PDE10A: variants seen among roughly 807,000 people sequenced by gnomAD.
The protein encoded by PDE10A is cAMP and cAMP-inhibited cGMP 3',5'-cyclic phosphodiesterase 10A.
In PDE10A, 39 loss-of-function variants were observed where a neutral mutation model predicts 97.7. The ratio of observed to expected loss-of-function variants is 0.40; its 90% CI spans 0.31 to 0.52. The LOEUF (loss-of-function observed/expected upper bound fraction) is 0.52. PDE10A is among the 20% of genes least tolerant of loss of function. The pLI, the probability that PDE10A is intolerant of heterozygous loss-of-function variation, is 0.56. For synonymous variants in PDE10A, 371 were observed against 376.8 expected, an observed-to-expected ratio of 0.98 and a Z score of 0.18; for missense variants, 731 against 1,047.8, an observed-to-expected ratio of 0.70 and a Z score of 4.17.
At chr6:165,703,861 G>A (rs1791640360) in intron 1 of PDE10A, among the ~76,000 whole-genome samples, 1 of 152,164 alleles carries the variant, frequency 6.6e-6, no homozygotes, top group African/African-American at 2.4e-5. Flanking sequence ...AATCCTTTGC[G>A]AGTCTCCACT....
chr6:165,673,346 C>T (rs1303178059), intron 1 of PDE10A, among the ~76,000 whole-genome samples: 1 of 152,212 alleles, frequency 6.6e-6, no homozygotes, highest in Non-Finnish European at 1.5e-5. Flanking sequence ...TAGCCCCACT[C>T]TGACGTACAC....
At chr6:165,747,903 T>C (rs56871332) in intron 1 of PDE10A, among the ~76,000 whole-genome samples, 23,351 of 152,146 alleles carry the variant, frequency 0.15, 2,864 homozygotes, top group African/African-American at 0.33. Context: ...ACAGAGCTCA[T>C]GGGGCTCAGC....
At chr6:165,549,912 T>C (rs907868762) in intron 1 of PDE10A, among the ~76,000 whole-genome samples, 10 of 152,244 alleles carry the variant, frequency 6.6e-5, no homozygotes, top group Non-Finnish European at 1.2e-4. Flanking sequence ...GGATCTATTG[T>C]AAGAATTAGG....
chr6:165,744,238 C>A (rs1335593860), intron 1 of PDE10A, among the ~76,000 whole-genome samples: 2 of 152,076 alleles, frequency 1.3e-5, no homozygotes. Context: ...TTTTATGGAG[C>A]CAACAGCATA....
chr6:165,350,514 CT>C (rs1464764470), intron 18 of PDE10A, among the ~76,000 whole-genome samples: 1 of 152,052 alleles, frequency 6.6e-6, no homozygotes, highest in East Asian at 1.9e-4. Flanking sequence ...TGGACTTGAA[CT>C]TTTGAGTTAA....
At chr6:165,529,084 G>A (rs942774256) in intron 2 of PDE10A, among the ~76,000 whole-genome samples, 13 of 152,150 alleles carry the variant, frequency 8.5e-5, no homozygotes, top group South Asian at 4.1e-4. Flanking sequence ...TCCAGAGGAA[G>A]AAACACTGCC....
intron 1 of PDE10A, among the ~76,000 whole-genome samples, chr6:165,882,783 C>T (rs1438852698): frequency 6.7e-6 from 1 of 149,762 alleles, no homozygotes; most frequent in African/African-American, 2.5e-5. Flanking sequence ...AAAAGCCTCC[C>T]TCCTGGCAAA....
chr6:165,376,236 C>T (rs1279426260), intron 18 of PDE10A, among the ~76,000 whole-genome samples: 2 of 152,126 alleles, frequency 1.3e-5, no homozygotes, highest in African/African-American at 4.8e-5. Flanking sequence ...AGGAGGTAGT[C>T]AAAGCTTCAA....
chr6:165,664,681 CAG>C (rs1443930584), upstream of PDE10A, among the ~76,000 whole-genome samples: 3 of 152,330 alleles, frequency 2.0e-5, no homozygotes, highest in East Asian at 1.9e-4. Flanking sequence ...TCCAGCCGTG[CAG>C]AGTCCACTCC....
rs1400433309 is a variant in PDE10A, at chr6:165,418,275, G to T, written c.1796+360C>A. On this transcript the variant is annotated intron_variant, in intron 11 of 21. Coordinates refer to ENST00000539869, the MANE Select transcript of PDE10A (RefSeq NM_001385079.1). This position sits in a 1 kb window ranked among gnomAD's most constrained non-coding sequence, Gnocchi z 4.8. The stretch of plus-strand genomic sequence containing the variant: ...GGCCACCGGTTGGGAAGAAGTAGGG[G>T]CCGAATTGCATAAGCACACCTTTTC... Among the ~76,000 whole-genome samples the T allele has an allele frequency of 6.6e-6, 1 of 152,184 alleles. No homozygotes were observed. The highest frequency in any genetic ancestry group is 1.5e-5 in the Non-Finnish European group (1 of 68,030).
chr6:165,650,656 A>C (rs984660630), intron 1 of PDE10A, among the ~76,000 whole-genome samples: 1 of 152,188 alleles, frequency 6.6e-6, no homozygotes, highest in African/African-American at 2.4e-5. Flanking sequence ...TATTTCAAAC[A>C]ATACTACGCC....
intron 1 of PDE10A, among the ~76,000 whole-genome samples, chr6:165,591,279 G>A (rs939577860): frequency 1.3e-5 from 2 of 152,208 alleles, no homozygotes; most frequent in African/African-American, 4.8e-5. Flanking sequence ...AAGTAGCCAA[G>A]TGGATTTTAA....
intron 1 of PDE10A, among the ~76,000 whole-genome samples, chr6:165,930,220 T>A (rs1414125597): frequency 6.6e-6 from 1 of 152,202 alleles, no homozygotes; most frequent in Non-Finnish European, 1.5e-5. Flanking sequence ...AGAAAATGGT[T>A]TCTTCTCCAT....
upstream of PDE10A, among the ~76,000 whole-genome samples, chr6:165,664,500 G>T (rs1307105857): frequency 6.6e-6 from 1 of 152,162 alleles, no homozygotes; most frequent in Non-Finnish European, 1.5e-5. Flanking sequence ...GCGTGTAACG[G>T]GCATCAGACT....
At chr6:165,420,995 C>T (rs922063487) in intron 10 of PDE10A, among the ~76,000 whole-genome samples, 7 of 152,014 alleles carry the variant, frequency 4.6e-5, no homozygotes, top group Non-Finnish European at 1.0e-4. Context: ...AAATTCAACC[C>T]AATCAAATTT....
chr6:165,958,747 G>GAAAGAAAGAAAGAAAGAA (rs10654760), intron 1 of PDE10A, among the ~76,000 whole-genome samples: 9,553 of 106,146 alleles, frequency 0.09, 1,117 homozygotes, highest in East Asian at 0.17. Context: ...AAGAAAGAAA[G>GAAAGAAAGAAAGAAAGAA]AGAAAGAAAG....
intron 18 of PDE10A, among the ~76,000 whole-genome samples, chr6:165,372,513 A>C (rs923020678): frequency 4.5e-5 from 6 of 133,100 alleles, no homozygotes; most frequent in South Asian, 2.4e-4. Flanking sequence ...TAGGAATCCA[A>C]CTTACAAGGG....
At chr6:165,499,070 A>G (rs968095448) in intron 2 of PDE10A, among the ~76,000 whole-genome samples, 2 of 152,190 alleles carry the variant, frequency 1.3e-5, no homozygotes, top group African/African-American at 2.4e-5. Flanking sequence ...TCATTAAAAA[A>G]CATTCTTAAT....
chr6:165,579,559 A>G (rs1451143546), intron 1 of PDE10A, among the ~76,000 whole-genome samples: 1 of 152,128 alleles, frequency 6.6e-6, no homozygotes, highest in Non-Finnish European at 1.5e-5. Context: ...CACCTTCCCA[A>G]CAGTCAACAC....
Sources: gnomAD v4.1 joint callset for allele counts (sites outside exome capture counted in the v4.1 genomes callset) on GRCh38, gnomAD v4.1.1 for gene constraint, Gnocchi (gnomAD v3.1) non-coding constraint, MANE v1.5 for transcripts, NCBI Gene and HGNC (gene_info 2026-07-23, HGNC 2026-07-21) for gene names.